The following SGCZ variants were observed in gnomAD, a reference collection of about 807,000 sequenced individuals.
The protein encoded by SGCZ is sarcoglycan zeta, also known as zeta-sarcoglycan.
SGCZ carries 40 observed loss-of-function variants against 41.3 expected under a neutral mutation model. That is an observed-to-expected ratio of 0.97 (90% CI 0.75 to 1.26). The LOEUF (loss-of-function observed/expected upper bound fraction) is 1.26. SGCZ is among the 50% of genes most tolerant of loss of function. The probability of loss-of-function intolerance (pLI) is 0.00; values close to 1 mark genes in which losing one functional copy is unlikely to be tolerated. For missense variants in SGCZ, 552 were observed against 369.8 expected, an observed-to-expected ratio of 1.49 and a Z score of -4.04; for synonymous variants, 206 against 137.5, an observed-to-expected ratio of 1.50 and a Z score of -3.49.
intron 1 of SGCZ, among the ~76,000 whole-genome samples, chr8:15,030,672 T>C (rs924410357): frequency 2.0e-5 from 3 of 152,166 alleles, no homozygotes; most frequent in African/African-American, 4.8e-5. Flanking sequence ...CTAATACAAA[T>C]ACAAAGCAAC....
chr8:14,399,734 T>C (rs1799020419), intron 2 of SGCZ, among the ~76,000 whole-genome samples: 1 of 152,162 alleles, frequency 6.6e-6, no homozygotes, highest in African/African-American at 2.4e-5. Context: ...TCAATATTTT[T>C]CAATAACTGT....
At chr8:14,738,658 T>C (rs1799116603) in intron 1 of SGCZ, among the ~76,000 whole-genome samples, 1 of 152,100 alleles carries the variant, frequency 6.6e-6, no homozygotes, top group Admixed American at 6.6e-5. Context: ...TTGGGTTTAA[T>C]AGACTGAGAA....
At chr8:14,291,780 A>C (rs1043710715) in intron 3 of SGCZ, among the ~76,000 whole-genome samples, 11 of 152,038 alleles carry the variant, frequency 7.2e-5, no homozygotes, top group Non-Finnish European at 1.0e-4. Flanking sequence ...TTTAGGATTT[A>C]AAGAAAACTT....
intron 1 of SGCZ, among the ~76,000 whole-genome samples, chr8:14,749,720 G>T (rs1431274349): frequency 6.6e-6 from 1 of 151,606 alleles, no homozygotes; most frequent in Non-Finnish European, 1.5e-5. Flanking sequence ...AATGCAGTAA[G>T]TTTTTTTTTA....
chr8:14,443,491 C>G (rs373328391), intron 2 of SGCZ, among the ~76,000 whole-genome samples: 1 of 151,976 alleles, frequency 6.6e-6, no homozygotes, highest in Non-Finnish European at 1.5e-5. Context: ...GAACAGAGCC[C>G]TCAGAAATAA....
intron 1 of SGCZ, among the ~76,000 whole-genome samples, chr8:14,890,661 T>C (rs1016984386): frequency 8.2e-4 from 125 of 152,338 alleles, no homozygotes; most frequent in African/African-American, 2.5e-3. Flanking sequence ...GTGAGGATAA[T>C]TGATGAAAGT....
At position 14,431,370 on chromosome 8, in the gene SGCZ, C is replaced by T. The variant is rs770337319; in HGVS notation, c.235-107166G>A. On this transcript the variant is annotated intron_variant, in intron 2 of 7. Transcript: ENST00000382080. ...TAGACCAAAGGAACAGAATGGAGAA[C>T]CCAGAAATAAATCCAAATACTTAGA... Among the ~76,000 whole-genome samples the T allele has an allele frequency of 9.9e-4, 150 of 152,172 alleles. 1 individual carries two copies. Among genetic ancestry groups the T allele is most frequent in the Non-Finnish European group, 2.0e-3 (137 of 68,002 alleles).
intron 4 of SGCZ, among the ~76,000 whole-genome samples, chr8:14,199,045 G>A (rs925046328): frequency 1.8e-4 from 27 of 152,194 alleles, no homozygotes; most frequent in African/African-American, 6.5e-4. Flanking sequence ...TTAAGAAAAG[G>A]ATAACAGCAA....
At chr8:14,480,947 A>T (rs187508385) in intron 2 of SGCZ, among the ~76,000 whole-genome samples, 1 of 152,224 alleles carries the variant, frequency 6.6e-6, no homozygotes, top group East Asian at 1.9e-4. Context: ...TAAAGACTTA[A>T]TGAATGAAGT....
intron 3 of SGCZ, among the ~76,000 whole-genome samples, chr8:14,320,307 A>G (rs1801874375): frequency 6.6e-6 from 1 of 151,904 alleles, no homozygotes; most frequent in Admixed American, 6.6e-5. Flanking sequence ...AGTATGAAAG[A>G]AAGAAACCTA....
chr8:15,214,562 C>T (rs1345529232), intron 1 of SGCZ, among the ~76,000 whole-genome samples: 2 of 152,104 alleles, frequency 1.3e-5, no homozygotes, highest in South Asian at 4.1e-4. Context: ...TGCACTGTTT[C>T]TAATTGCTTC....
At chr8:14,642,350 C>T (rs1807054356) in intron 1 of SGCZ, among the ~76,000 whole-genome samples, 1 of 151,474 alleles carries the variant, frequency 6.6e-6, no homozygotes, top group Non-Finnish European at 1.5e-5. Flanking sequence ...CTTGTTAAGT[C>T]AGAAAAAGTC....
chr8:15,066,202 G>T (rs1289107161), intron 1 of SGCZ, among the ~76,000 whole-genome samples: 1 of 151,768 alleles, frequency 6.6e-6, no homozygotes, highest in African/African-American at 2.4e-5. Context: ...CAGCTACTGG[G>T]GAGGCTGAGG....
At chr8:14,925,999 TA>T (rs1799736585) in intron 1 of SGCZ, among the ~76,000 whole-genome samples, 2 of 152,226 alleles carry the variant, frequency 1.3e-5, no homozygotes, top group Non-Finnish European at 2.9e-5. Context: ...ATAGCTGAAG[TA>T]CACATTATCT....
intron 1 of SGCZ, among the ~76,000 whole-genome samples, chr8:14,916,983 A>C (rs929573056): frequency 6.6e-6 from 1 of 152,198 alleles, no homozygotes; most frequent in Non-Finnish European, 1.5e-5. Context: ...GCATAATATG[A>C]ATATGACTTT....
chr8:14,751,372 A>G (rs937562448), intron 1 of SGCZ, among the ~76,000 whole-genome samples: 7 of 152,166 alleles, frequency 4.6e-5, no homozygotes, highest in Non-Finnish European at 8.8e-5. Context: ...TAGTCCATTC[A>G]TTAGTAGGAT....
At chr8:14,191,529 T>G (rs545530642) in intron 4 of SGCZ, among the ~76,000 whole-genome samples, 1 of 152,298 alleles carries the variant, frequency 6.6e-6, no homozygotes, top group African/African-American at 2.4e-5. Context: ...TATAAGGCTC[T>G]AATTTTATTC....
chr8:14,521,399 A>G (rs1563383173), intron 2 of SGCZ, among the ~76,000 whole-genome samples: 1 of 152,142 alleles, frequency 6.6e-6, no homozygotes, highest in Admixed American at 6.5e-5. Context: ...TCTGTACAAC[A>G]AACTCCCATG....
rs1563212658 is a variant in SGCZ at position 14,702,732 on chromosome 8, GA to G, written c.40-147807del. ...ATCAGCAAATTCTGCTGGCTTCAATGATAGATAGATAGATAGATAGATAGAT... is the reference window on the plus strand; with the variant it reads ...ATCAGCAAATTCTGCTGGCTTCAATGTAGATAGATAGATAGATAGATAGAT... On this transcript the variant is annotated intron_variant, in intron 1 of 7. Transcript: ENST00000382080. 7.5e-4 allele frequency among the ~76,000 whole-genome samples: 17 copies of G among 22,564 alleles called. 1 individual carries two copies. The South Asian group carries it at 0.02, about 27-fold the overall frequency. 14.8% of individuals were successfully genotyped at this position (22,564 alleles called of 152,430 possible). A position where few individuals can be genotyped will look rare whatever the true frequency, so the allele number is the denominator to read the frequency against.
Sources: gnomAD v4.1 joint callset for allele counts (sites outside exome capture counted in the v4.1 genomes callset) on GRCh38, gnomAD v4.1.1 for gene constraint, MANE v1.5 for transcripts, NCBI Gene and HGNC (gene_info 2026-07-23, HGNC 2026-07-21) for gene names.